ALOXE3: variants seen among roughly 807,000 people sequenced by gnomAD.
ALOXE3 encodes arachidonate epidermal lipoxygenase 3, also known as hydroperoxide isomerase ALOXE3.
Under a neutral mutation model 87.5 loss-of-function variants are expected in ALOXE3, and 78 were observed. That is an observed-to-expected ratio of 0.89 (90% CI 0.74 to 1.08). The LOEUF (loss-of-function observed/expected upper bound fraction) is 1.08. ALOXE3 is among the 50% of genes least tolerant of loss of function. The pLI is 0.00. For missense variants in ALOXE3, 946 were observed against 912.4 expected (o/e 1.04, Z -0.47); for synonymous variants, 363 against 370.8 (o/e 0.98, Z 0.24).
At chr17:8,102,571 C>T (rs4792216) in intron 15 of ALOXE3, among the ~76,000 whole-genome samples, 14,068 of 152,196 alleles carry the variant, frequency 0.092, 1,054 homozygotes, top group East Asian at 0.39. Flanking sequence ...ACCTTCCTCT[C>T]CGCTCTGCTA....
chr17:8,109,352 A>T lies in ALOXE3; in HGVS notation c.1393-9T>A. On this transcript the variant is annotated splice_polypyrimidine_tract_variant and intron_variant, in intron 11 of 15. Transcript: ENST00000448843. ...CTCCCGATGGACGTGACCTGAGGAC[A>T]CAGCACAGCTCGGCTCCCGGGCCGG... 6.2e-7 allele frequency: 1 copy of T among 1,613,412 alleles called. No homozygotes were observed.
Position 8,115,084 on chromosome 17 carries a change from G to A in ALOXE3, c.435-27C>T, listed in dbSNP as rs548529438. On this transcript the variant is annotated intron_variant, in intron 4 of 15. Transcript: ENST00000448843. The stretch of plus-strand genomic sequence containing the variant: ...TTCCGAGGGAAAGAGGTCAGAGGTG[G>A]CAGGTCATGCTCGGGATAAACACAA... The A allele has an allele frequency of 3.1e-6, 5 of 1,613,996 alleles. No individual in the cohort carries two copies. The African/African-American group carries it at 5.3e-5, about 17-fold the overall frequency.
At position 8,103,456 on chromosome 17, in the gene ALOXE3, G is replaced by T; in HGVS notation, c.1823C>A (p.Ser608Tyr). ...FGAWMPNAPSSMRQPPPQTKG... is the reference protein window; with the variant it reads ...FGAWMPNAPSYMRQPPPQTKG... Reference sequence around the variant, plus strand: ...GGTCTGGGGTGGGGGCTGCCTCATGGATGATGGAGCATTGGGCATCCAGGC... The same window carrying T: ...GGTCTGGGGTGGGGGCTGCCTCATGTATGATGGAGCATTGGGCATCCAGGC... Residue 608 changes from serine (S) to tyrosine (Y), a missense_variant, in exon 15 of 16, where the codon TCC (serine) becomes TAC (tyrosine). Coordinates refer to ENST00000448843, the MANE Select transcript of ALOXE3 (RefSeq NM_021628.3). 6.2e-7 allele frequency: 1 copy of T among 1,614,162 alleles called. No homozygotes were observed. Among genetic ancestry groups the T allele is most frequent in the Non-Finnish European group, 8.5e-7 (1 of 1,180,028 alleles).
chr17:8,110,086 G>A lies in ALOXE3; in HGVS notation c.1305+6C>T. ...CCCCGCTGGGCCCCCACCCGGGGTC[G>A]CGGACCTTGTAGATGGGGTGGCAGA... On this transcript the variant is annotated splice_donor_region_variant and intron_variant, in intron 10 of 15. Coordinates refer to ENST00000448843, the MANE Select transcript of ALOXE3 (RefSeq NM_021628.3). 6.2e-7 allele frequency: 1 copy of A among 1,610,466 alleles called. No individual in the cohort carries two copies. Among genetic ancestry groups the A allele is most frequent in the Non-Finnish European group, 8.5e-7 (1 of 1,178,420 alleles).
intron 15 of ALOXE3, among the ~76,000 whole-genome samples, chr17:8,097,826 CA>C (rs2151828519): frequency 6.6e-6 from 1 of 150,802 alleles, no homozygotes; most frequent in Non-Finnish European, 1.5e-5. Context: ...CGGCTCACTG[CA>C]AGCTCTACCT....
Position 8,115,012 on chromosome 17 carries a change from G to A in ALOXE3, c.480C>T (p.Asn160=). 1 of 1,614,124 alleles carries A rather than the reference G, an allele frequency of 6.2e-7. No individual in the cohort carries two copies. Among genetic ancestry groups the A allele is most frequent in the Non-Finnish European group, 8.5e-7 (1 of 1,179,998 alleles). The change falls in exon 5 of 16, where the codon AAC becomes AAT. Residue 160 remains asparagine (N), a synonymous_variant. Transcript: ENST00000448843. Reference sequence around the variant, plus strand: ...TGTCTGACTCCATCTCCTGAAAGCTGTTGACGTCTACCATGCAGGGGAAGC... The same window carrying A: ...TGTCTGACTCCATCTCCTGAAAGCTATTGACGTCTACCATGCAGGGGAAGC... ...APGFPCMVDV[N]SFQEMESDKK... is the part of the protein sequence containing the mutation.
chr17:8,101,963 A>G (rs1231357447), intron 15 of ALOXE3, among the ~76,000 whole-genome samples: 2 of 152,206 alleles, frequency 1.3e-5, no homozygotes, highest in African/African-American at 4.8e-5. Context: ...TTCCAGCACC[A>G]AAGGGAGTCA....
At chr17:8,114,180 C>T (rs900554397) in intron 6 of ALOXE3, among the ~76,000 whole-genome samples, 2 of 151,800 alleles carry the variant, frequency 1.3e-5, no homozygotes, top group African/African-American at 4.8e-5. Context: ...TCGCTGGGGG[C>T]CCAATTAACA....
rs1290944688 is a variant in ALOXE3, at chr17:8,096,613, G to A, written c.*14C>T. On this transcript the variant is annotated 3_prime_UTR_variant, in exon 16 of 16. Coordinates refer to ENST00000448843, the MANE Select transcript of ALOXE3 (RefSeq NM_021628.3). ...TTGGACCTTTCTTTCTTCTTGGGTG[G>A]TATTTGGGGGTGGTTAGATGGAGAC... 1 of 1,130,534 alleles carries A rather than the reference G, an allele frequency of 8.8e-7. No individual in the cohort carries two copies. The highest frequency in any genetic ancestry group is 1.7e-5 in the Admixed American group (1 of 59,396). 70.0% of individuals were successfully genotyped at this position (1,130,534 alleles called of 1,614,324 possible). A position where few individuals can be genotyped will look rare whatever the true frequency, so the allele number is the denominator to read the frequency against.
chr17:8,115,044 C>A lies in ALOXE3; in HGVS notation c.448G>T (p.Ala150Ser). The change falls in exon 5 of 16, where the codon GCC becomes TCC. Residue 150 changes from alanine to serine, a missense_variant. Physicochemically the swap from Ala to Ser is moderately conservative, Grantham distance 99. Coordinates refer to ENST00000448843, the MANE Select transcript of ALOXE3 (RefSeq NM_021628.3). Reference sequence around the variant, plus strand: ...TCTACCATGCAGGGGAAGCCAGGGGCATAGATCTTCCAGCTTCCGAGGGAA... The same window carrying A: ...TCTACCATGCAGGGGAAGCCAGGGGAATAGATCTTCCAGCTTCCGAGGGAA... ...RQECYRWKIY[A>S]PGFPCMVDVN... 6.2e-7 allele frequency: 1 copy of A among 1,614,164 alleles called. No homozygotes were observed. Among genetic ancestry groups the A allele is most frequent in the Non-Finnish European group, 8.5e-7 (1 of 1,180,016 alleles).
intron 13 of ALOXE3, among the ~76,000 whole-genome samples, chr17:8,106,009 G>A (rs1295917261): frequency 1.3e-5 from 2 of 151,468 alleles, no homozygotes; most frequent in African/African-American, 4.9e-5. Context: ...AGGTGAGGCT[G>A]CAGAGGCATG....
In ALOXE3 at chr17:8,116,763, G is replaced by A. The variant is rs762301643; in HGVS notation, c.352+13C>T. ...CCTTCTGCAGTACAGTGTAGTCCTCGTCTCTGGCCCACCTGTTCCTGGCCT... is the reference window on the plus strand; with the variant it reads ...CCTTCTGCAGTACAGTGTAGTCCTCATCTCTGGCCCACCTGTTCCTGGCCT... On this transcript the variant is annotated intron_variant, in intron 3 of 15. Transcript: ENST00000448843. 1 of 1,613,680 alleles carries A rather than the reference G, an allele frequency of 6.2e-7. No individual in the cohort carries two copies. The highest frequency in any genetic ancestry group is 8.5e-7 in the Non-Finnish European group (1 of 1,179,556).
chr17:8,112,288 G>A, intron 6 of ALOXE3, 92 bp from the exon 7 acceptor site: 2 of 955,338 alleles, frequency 2.1e-6, no homozygotes, highest in South Asian at 1.3e-5. Flanking sequence ...AACTGACGGG[G>A]TCCATCCCCA....
chr17:8,103,365 G>A lies in ALOXE3; in HGVS notation c.1914C>T (p.Asn638=), dbSNP rs370435985. 2 of 1,614,100 alleles carry A rather than the reference G, an allele frequency of 1.2e-6. No homozygotes were observed. The highest frequency in any genetic ancestry group is 1.3e-5 in the African/African-American group (1 of 75,018). ...GGCTAACCAACCAGAAGAGGAGGAG[G>A]TTGTTACAGCTGATGTTCACTTCAG... ...TLPEVNISCN[N]LLLFWLVSQE... is the part of the protein sequence containing the mutation. Residue 638 remains asparagine (N), a synonymous_variant, in exon 15 of 16, where the codon AAC becomes AAT. Transcript: ENST00000448843.
intron 7 of ALOXE3, among the ~76,000 whole-genome samples, 179 bp downstream of exon 7, chr17:8,111,914 G>A (rs1203369221): frequency 6.6e-6 from 1 of 152,144 alleles, no homozygotes; most frequent in Non-Finnish European, 1.5e-5. Context: ...CTCAGAGAAG[G>A]TGCTTTGTTC....
In ALOXE3 at chr17:8,118,308, G is replaced by C; in HGVS notation, c.-313-5C>G. 6.4e-7 allele frequency: 1 copy of C among 1,551,774 alleles called. No homozygotes were observed. Among genetic ancestry groups the C allele is most frequent in the Non-Finnish European group, 8.7e-7 (1 of 1,147,012 alleles). On this transcript the variant is annotated splice_polypyrimidine_tract_variant and splice_region_variant and intron_variant, in intron 1 of 15. Transcript: ENST00000448843. ...ATATCAGGAGCCTGGGTTCCACTGC[G>C]GAGGGAGGGATCAGATGCTGAGATG...
In ALOXE3 at chr17:8,117,738, C is replaced by T. The variant is rs147255075; in HGVS notation, c.147+106G>A. ...ATAGGGAAGGTGAGGAGGTCAGGGC[C>T]GGTATCCTGAGTTCAGCAGGATCTC... is the stretch of plus-strand genomic sequence containing the variant. On this transcript the variant is annotated intron_variant, in intron 2 of 15. Coordinates refer to ENST00000448843, the MANE Select transcript of ALOXE3 (RefSeq NM_021628.3). The T allele has an allele frequency of 4.8e-5, 74 of 1,537,072 alleles. No individual in the cohort carries two copies. In the African/African-American group the frequency reaches 6.8e-4, roughly 14 times the overall value.
chr17:8,111,048 G>C (rs144437358), intron 8 of ALOXE3, among the ~76,000 whole-genome samples: 261 of 152,240 alleles, frequency 1.7e-3, no homozygotes, highest in Non-Finnish European at 2.4e-3. Context: ...CTTTCCTCTA[G>C]GCCTCAGCAC....
chr17:8,103,313 G>C lies in ALOXE3; in HGVS notation c.1956+10C>G, dbSNP rs552547223. The C allele has an allele frequency of 4.3e-6, 7 of 1,613,242 alleles. No homozygotes were observed. The South Asian group carries it at 6.6e-5, about 15-fold the overall frequency. On this transcript the variant is annotated intron_variant, in intron 15 of 15. Coordinates refer to ENST00000448843, the MANE Select transcript of ALOXE3 (RefSeq NM_021628.3). ...AGAACCCTACTCCCCTCAACATCCC[G>C]TATACACACCTGGTCCTTGGGTTCT...
Sources: gnomAD v4.1 joint callset for allele counts (sites outside exome capture counted in the v4.1 genomes callset) on GRCh38, gnomAD v4.1.1 for gene constraint, MANE v1.5 for transcripts, NCBI Gene and HGNC (gene_info 2026-07-23, HGNC 2026-07-21) for gene names.